RAP1A: variants seen among roughly 807,000 people sequenced by gnomAD.
The protein encoded by RAP1A is ras-related protein Rap-1A.
Under a neutral mutation model 26.4 loss-of-function variants are expected in RAP1A, and 6 were observed. The observed-to-expected ratio is 0.23, with a 90% CI of 0.12 to 0.45. The LOEUF is 0.45. Among genes scored for constraint, RAP1A ranks in the 20% least tolerant of loss-of-function variants. RAP1A has a pLI of 0.99. For synonymous variants in RAP1A, 73 were observed against 79.4 expected (o/e 0.92, Z 0.43); for missense variants, 121 against 217.2 (o/e 0.56, Z 2.78).
At chr1:111,691,587 T>G (rs891484839) in intron 2 of RAP1A, among the ~76,000 whole-genome samples, 170 bp downstream of exon 2, 1 of 152,236 alleles carries the variant, frequency 6.6e-6, no homozygotes, top group Admixed American at 6.5e-5. Context: ...GTATATAGTT[T>G]TATAACATTG....
intron 1 of RAP1A, among the ~76,000 whole-genome samples, chr1:111,556,665 T>C (rs1277538579): frequency 6.6e-6 from 1 of 152,172 alleles, no homozygotes; most frequent in Non-Finnish European, 1.5e-5. Context: ...AGATGAATAT[T>C]GTATGATTCC....
At chr1:111,704,148 A>ATTT (rs71078091) in intron 5 of RAP1A, among the ~76,000 whole-genome samples, 195 bp from the exon 6 acceptor site, 6,426 of 136,794 alleles carry the variant, frequency 0.047, 161 homozygotes, top group South Asian at 0.078. Flanking sequence ...GATCTCTTCC[A>ATTT]TTTTTTTTTT....
intron 1 of RAP1A, among the ~76,000 whole-genome samples, chr1:111,582,156 G>A (rs1400744123): frequency 6.6e-6 from 1 of 152,144 alleles, no homozygotes; most frequent in East Asian, 1.9e-4. Context: ...ACAAAGAGAG[G>A]GGAAGAGAGG....
intron 1 of RAP1A, among the ~76,000 whole-genome samples, chr1:111,573,109 A>T (rs1231415226): frequency 6.6e-6 from 1 of 152,220 alleles, no homozygotes; most frequent in Non-Finnish European, 1.5e-5. Flanking sequence ...ATAGTATTCC[A>T]TGGTGAATAT....
chr1:111,632,143 A>G lies in RAP1A; in HGVS notation c.-28+12209A>G, dbSNP rs569951228. The stretch of plus-strand genomic sequence containing the variant: ...TGTGTTTGTTTCTGTCTTCTATTAG[A>G]ATATCAAAGTGTGTGATTTGTTGCT... On this transcript the variant is annotated intron_variant, in intron 1 of 7. Coordinates refer to ENST00000369709, the MANE Select transcript of RAP1A (RefSeq NM_002884.4). Among the ~76,000 whole-genome samples the G allele has an allele frequency of 1.6e-4, 24 of 151,998 alleles. 1 individual carries two copies. The East Asian group carries it at 3.7e-3, about 23-fold the overall frequency.
chr1:111,643,949 A>G (rs2101123301), intron 1 of RAP1A, among the ~76,000 whole-genome samples: 1 of 152,362 alleles, frequency 6.6e-6, no homozygotes, highest in East Asian at 1.9e-4. Flanking sequence ...GAAGCTGATA[A>G]TGCAGTCTTT....
chr1:111,695,450 C>A, intron 3 of RAP1A, 41 bp downstream of exon 3: 2 of 1,343,484 alleles, frequency 1.5e-6, no homozygotes, highest in Non-Finnish European at 2.0e-6. Flanking sequence ...ACAAGTAGTT[C>A]CTTATGATGT....
chr1:111,703,266 T>C (rs1052357344), intron 4 of RAP1A, 70 bp from the exon 5 acceptor site: 1 of 1,031,794 alleles, frequency 9.7e-7, no homozygotes, highest in African/African-American at 1.7e-5. Context: ...GTAATTATGC[T>C]GTTTTAAATT....
At chr1:111,576,911 C>T (rs1571479643) in intron 1 of RAP1A, among the ~76,000 whole-genome samples, 4 of 152,282 alleles carry the variant, frequency 2.6e-5, no homozygotes, top group Admixed American at 2.6e-4. Flanking sequence ...ACTAGAGCTC[C>T]AGAATCTGCA....
chr1:111,683,028 A>T (rs111471852), intron 1 of RAP1A, among the ~76,000 whole-genome samples: 7 of 152,202 alleles, frequency 4.6e-5, no homozygotes, highest in Non-Finnish European at 7.3e-5. Flanking sequence ...TCAAAACTGC[A>T]CAACTACATG....
At chr1:111,698,225 A>T (rs1345912771) in intron 4 of RAP1A, among the ~76,000 whole-genome samples, 1 of 152,138 alleles carries the variant, frequency 6.6e-6, no homozygotes, top group African/African-American at 2.4e-5. Flanking sequence ...TTCTCCATGC[A>T]CATAGACTTG....
rs145119128 is a variant in RAP1A at position 111,672,597 on chromosome 1, G to A, written c.-27-18737G>A. ...GGTCTCTCCAAAGTGGTGACTGCAC[G>A]GCAGCCTAACACTTAGGACTCCATA... On this transcript the variant is annotated intron_variant, in intron 1 of 7. Transcript: ENST00000369709. Among the ~76,000 whole-genome samples, 8 of 152,156 alleles carry A rather than the reference G, an allele frequency of 5.3e-5. No homozygotes were observed. The East Asian group carries it at 1.5e-3, about 29-fold the overall frequency.
At position 111,620,294 on chromosome 1, in the gene RAP1A, G is replaced by T. The variant is rs140860119; in HGVS notation, c.-28+360G>T. On this transcript the variant is annotated intron_variant, in intron 1 of 7. Coordinates refer to ENST00000369709, the MANE Select transcript of RAP1A (RefSeq NM_002884.4). Reference sequence around the variant, plus strand: ...GTCATAGCACAAGCCCATTTCCCTCGCCGTCTCCCCAGACACGGTGCCCTC... The same window carrying T: ...GTCATAGCACAAGCCCATTTCCCTCTCCGTCTCCCCAGACACGGTGCCCTC... Among the ~76,000 whole-genome samples, 260 of 152,320 alleles carry T rather than the reference G, an allele frequency of 1.7e-3. 3 individuals carry two copies. The highest frequency in any genetic ancestry group is 4.8e-3 in the South Asian group (23 of 4,826).
chr1:111,676,880 G>A (rs1571552151), intron 1 of RAP1A, among the ~76,000 whole-genome samples: 3 of 151,424 alleles, frequency 2.0e-5, no homozygotes, highest in South Asian at 4.2e-4. Flanking sequence ...TGTACCCTCC[G>A]CTTCCCATGT....
intron 1 of RAP1A, among the ~76,000 whole-genome samples, chr1:111,612,457 C>T (rs1658940701): frequency 6.6e-6 from 1 of 152,134 alleles, no homozygotes; most frequent in South Asian, 2.1e-4. Flanking sequence ...AATATATACA[C>T]CACCAAATGA....
intron 3 of RAP1A, 113 bp from the exon 4 acceptor site, chr1:111,697,328 C>T: frequency 6.4e-7 from 1 of 1,571,306 alleles, no homozygotes; most frequent in Non-Finnish European, 8.6e-7. Context: ...CAGCATACTG[C>T]TGGAGACAGG....
intron 1 of RAP1A, among the ~76,000 whole-genome samples, chr1:111,665,059 G>GACATATAGTT (rs1456993536): frequency 2.0e-5 from 3 of 152,130 alleles, no homozygotes; most frequent in African/African-American, 7.2e-5. Context: ...TGGGGGTAAT[G>GACATATAGTT]ACATATAGTT....
At chr1:111,712,243 T>A (rs905135396) in intron 7 of RAP1A, among the ~76,000 whole-genome samples, 188 bp from the exon 8 acceptor site, 3 of 152,164 alleles carry the variant, frequency 2.0e-5, no homozygotes, top group South Asian at 2.1e-4. Flanking sequence ...TTTGATTTTT[T>A]AAAACATTTT....
At chr1:111,636,122 CA>C in intron 1 of RAP1A, among the ~76,000 whole-genome samples, 1 of 152,148 alleles carries the variant, frequency 6.6e-6, no homozygotes, top group South Asian at 2.1e-4. Flanking sequence ...ATTTTGAATT[CA>C]AGGCTGATGT....
Sources: allele counts gnomAD v4.1 joint callset (sites outside exome capture counted in the v4.1 genomes callset), GRCh38; gene constraint gnomAD v4.1.1; transcripts MANE v1.5; gene names NCBI Gene and HGNC (gene_info 2026-07-23, HGNC 2026-07-21).